Variants in SLC60A1 observed in about 807,000 individuals in gnomAD.
SLC60A1 encodes the protein solute carrier family 60 member 1, also known as major facilitator superfamily domain containing 4.
the SLC60A1 span, among the ~76,000 whole-genome samples, chr1:205,580,501 C>A: frequency 3.3e-5 from 5 of 152,182 alleles, 1 homozygote; most frequent in East Asian, 9.7e-4. This position sits in a 1 kb window ranked among gnomAD's most constrained non-coding sequence, Gnocchi z 5.0. Flanking sequence ...GCACCCATGG[C>A]TCCCCATTCC....
chr1:205,583,669 T>C, the SLC60A1 span, among the ~76,000 whole-genome samples: 1 of 152,216 alleles, frequency 6.6e-6, no homozygotes, highest in Non-Finnish European at 1.5e-5. Context: ...CCAGCACCTC[T>C]CCTGGGCCAG....
chr1:205,571,880 CTG>C, the SLC60A1 span, among the ~76,000 whole-genome samples: 1 of 152,346 alleles, frequency 6.6e-6, no homozygotes, highest in African/African-American at 2.4e-5. Flanking sequence ...TTTAACAAAT[CTG>C]TGAGAGCCAG....
At chr1:205,579,594 C>A in the SLC60A1 span, 1 of 799,072 alleles carries the variant, frequency 1.3e-6, no homozygotes, top group Non-Finnish European at 2.0e-6. Context: ...GACAACTTGC[C>A]CACAGCTAAT....
the SLC60A1 span, among the ~76,000 whole-genome samples, chr1:205,589,326 G>T: frequency 6.6e-6 from 1 of 152,188 alleles, no homozygotes; most frequent in Non-Finnish European, 1.5e-5. Flanking sequence ...GCTAACTTGG[G>T]GGGAGCACGG....
At chr1:205,574,364 G>A in the SLC60A1 span, among the ~76,000 whole-genome samples, 1 of 152,074 alleles carries the variant, frequency 6.6e-6, no homozygotes, top group South Asian at 2.1e-4. Flanking sequence ...AGGGTCACTT[G>A]AGCCTGGAGG....
the SLC60A1 span, chr1:205,584,205 T>C: frequency 5.4e-6 from 7 of 1,290,048 alleles, no homozygotes; most frequent in Non-Finnish European, 7.4e-6. Context: ...AGAGTGAACC[T>C]AGATCACAGG....
At chr1:205,600,486 G>T in the SLC60A1 span, 8 of 1,611,958 alleles carry the variant, frequency 5.0e-6, no homozygotes, top group Admixed American at 8.3e-5. Context: ...GGCAAGAGAA[G>T]ACTTTCAGCC....
the SLC60A1 span, among the ~76,000 whole-genome samples, chr1:205,578,845 C>T: frequency 2.0e-4 from 30 of 152,246 alleles, no homozygotes; most frequent in Non-Finnish European, 1.5e-5. Context: ...ACCTCCAGAA[C>T]CTGCCTGCTG....
chr1:205,578,122 G>T, the SLC60A1 span, among the ~76,000 whole-genome samples: 2 of 152,210 alleles, frequency 1.3e-5, no homozygotes, highest in Non-Finnish European at 2.9e-5. Context: ...CTAGTTCTTC[G>T]AGAGAGTTTT....
the SLC60A1 span, chr1:205,581,021 G>A: frequency 1.2e-5 from 17 of 1,451,430 alleles, no homozygotes; most frequent in East Asian, 9.7e-5. The surrounding 1 kb of genome is among the most constrained non-coding windows in gnomAD (Gnocchi z 4.2). Flanking sequence ...GCTGAGAAAC[G>A]TGCTGGGGCT....
the SLC60A1 span, among the ~76,000 whole-genome samples, chr1:205,588,969 C>T: frequency 6.6e-6 from 1 of 152,180 alleles, no homozygotes; most frequent in Admixed American, 6.5e-5. Flanking sequence ...GAGGCAGGGG[C>T]CACACTGCGT....
At chr1:205,573,103 C>A in the SLC60A1 span, among the ~76,000 whole-genome samples, 121,948 of 151,950 alleles carry the variant, frequency 0.8, 49,328 homozygotes, top group East Asian at 0.98. Context: ...GTGTCAAAAC[C>A]AAACAAAACA....
At chr1:205,585,179 A>G in the SLC60A1 span, among the ~76,000 whole-genome samples, 1 of 152,178 alleles carries the variant, frequency 6.6e-6, no homozygotes, top group East Asian at 1.9e-4. This position sits in a 1 kb window ranked among gnomAD's most constrained non-coding sequence, Gnocchi z 4.2. Flanking sequence ...GCACGTTGGT[A>G]CTATGGGCTT....
chr1:205,570,803 T>C, the SLC60A1 span, among the ~76,000 whole-genome samples: 13 of 152,242 alleles, frequency 8.5e-5, no homozygotes, highest in Non-Finnish European at 1.5e-4. Flanking sequence ...GGTTTTTTGG[T>C]TTTAAGTACT....
At chr1:205,581,942 G>A in the SLC60A1 span, among the ~76,000 whole-genome samples, 1 of 152,186 alleles carries the variant, frequency 6.6e-6, no homozygotes, top group African/African-American at 2.4e-5. This position sits in a 1 kb window ranked among gnomAD's most constrained non-coding sequence, Gnocchi z 4.2. Context: ...GGGACTGATA[G>A]GAGGCTGAGC....
At chr1:205,585,062 A>G in the SLC60A1 span, 1 of 1,303,200 alleles carries the variant, frequency 7.7e-7, no homozygotes, top group South Asian at 1.2e-5. This position sits in a 1 kb window ranked among gnomAD's most constrained non-coding sequence, Gnocchi z 4.2. Context: ...GGGAAAGGCA[A>G]GAGAAAGAGA....
the SLC60A1 span, chr1:205,599,060 G>A: frequency 6.3e-7 from 1 of 1,586,606 alleles, no homozygotes; most frequent in Non-Finnish European, 8.6e-7. Flanking sequence ...GATGGAGAAG[G>A]CTGCTTCCTC....
At chr1:205,601,506 A>G in the SLC60A1 span, 9 of 152,224 alleles carry the variant, frequency 5.9e-5, no homozygotes, top group African/African-American at 2.2e-4. Context: ...TTCTACTGAC[A>G]TTGACTAGCA....
chr1:205,577,783 A>T, the SLC60A1 span, among the ~76,000 whole-genome samples: 2 of 152,208 alleles, frequency 1.3e-5, no homozygotes, highest in Non-Finnish European at 2.9e-5. This position sits in a 1 kb window ranked among gnomAD's most constrained non-coding sequence, Gnocchi z 5.2. Context: ...GCAGCATAGC[A>T]TAGGGACTAT....
Sources: gnomAD v4.1 joint callset for allele counts (sites outside exome capture counted in the v4.1 genomes callset) on GRCh38, gnomAD v4.1.1 for gene constraint, Gnocchi (gnomAD v3.1) non-coding constraint, MANE v1.5 for transcripts, NCBI Gene and HGNC (gene_info 2026-07-23, HGNC 2026-07-21) for gene names.